Variants in WDR64 observed in about 807,000 individuals in gnomAD.
The protein encoded by WDR64 is WD repeat-containing protein 64.
WDR64 carries 112 observed loss-of-function variants against 139.3 expected under a neutral mutation model. The ratio of observed to expected loss-of-function variants is 0.80; its 90% confidence interval spans 0.69 to 0.94. The LOEUF (loss-of-function observed/expected upper bound fraction) is 0.94, where lower values mean the gene tolerates loss of function less well. Ranked by LOEUF, WDR64 falls within the 40% of genes least tolerant of loss-of-function variation. The pLI is 0.00. For synonymous variants in WDR64, 444 were observed against 437.7 expected (o/e 1.01, Z -0.18); for missense variants, 1,206 against 1,293.1 (o/e 0.93, Z 1.03).
intron 2 of WDR64, among the ~76,000 whole-genome samples, chr1:241,662,492 C>T (rs879272540): frequency 2.0e-5 from 3 of 152,192 alleles, no homozygotes; most frequent in African/African-American, 4.8e-5. Flanking sequence ...GCCCTCTATA[C>T]TGGCAGTTCA....
chr1:241,760,187 A>G (rs1670370930), intron 15 of WDR64, among the ~76,000 whole-genome samples: 1 of 152,172 alleles, frequency 6.6e-6, no homozygotes, highest in Non-Finnish European at 1.5e-5. Context: ...ATGGGTGTAC[A>G]TGTATTTCAT....
At chr1:241,752,853 A>G (rs1179287869) in intron 14 of WDR64, among the ~76,000 whole-genome samples, 1 of 152,174 alleles carries the variant, frequency 6.6e-6, no homozygotes, top group Admixed American at 6.5e-5. Context: ...TCTGTCTCAA[A>G]AAGACACACA....
In WDR64 at chr1:241,802,307, A is replaced by T. The variant is rs955023973; in HGVS notation, c.*1092A>T. ...ACTTTACAGAAAGAATACATGTTGT[A>T]TGATTCCACGTTTATAAAATTCTAC... On this transcript the variant is annotated 3_prime_UTR_variant, in exon 28 of 28. Transcript: ENST00000437684. Among the ~76,000 whole-genome samples, 21 of 152,182 alleles carry T rather than the reference A, an allele frequency of 1.4e-4. No individual in the cohort carries two copies. Among genetic ancestry groups the T allele is most frequent in the Admixed American group, 1.3e-3 (20 of 15,272 alleles).
At chr1:241,731,161 C>T (rs532637238) in intron 10 of WDR64, among the ~76,000 whole-genome samples, 36 of 151,968 alleles carry the variant, frequency 2.4e-4, no homozygotes, top group South Asian at 6.2e-4. Context: ...GAACAGGGAA[C>T]TAATTACAAT....
intron 22 of WDR64, 83 bp downstream of exon 22, chr1:241,780,145 T>C (rs1366584111): frequency 8.6e-7 from 1 of 1,165,586 alleles, no homozygotes; most frequent in Non-Finnish European, 1.2e-6. Context: ...CCATAAAGGA[T>C]AGAAATACAA....
intron 25 of WDR64, among the ~76,000 whole-genome samples, chr1:241,794,681 A>G (rs900749173): frequency 4.0e-5 from 6 of 151,512 alleles, no homozygotes; most frequent in Non-Finnish European, 7.4e-5. Flanking sequence ...GCTAATTTTT[A>G]TATTTTTAGT....
intron 21 of WDR64, among the ~76,000 whole-genome samples, chr1:241,775,922 C>T (rs1658642016): frequency 6.6e-6 from 1 of 152,044 alleles, no homozygotes; most frequent in Admixed American, 6.6e-5. Context: ...ATATCTACCC[C>T]TTTGCTTGTT....
intron 8 of WDR64, among the ~76,000 whole-genome samples, chr1:241,695,767 C>T (rs1361646973): frequency 6.6e-6 from 1 of 152,054 alleles, no homozygotes; most frequent in African/African-American, 2.4e-5. Context: ...TATCTTTATA[C>T]TGGTGCATTT....
At chr1:241,769,686 G>A (rs756119502) in intron 17 of WDR64, among the ~76,000 whole-genome samples, 181 bp downstream of exon 17, 42 of 152,208 alleles carry the variant, frequency 2.8e-4, no homozygotes, top group South Asian at 2.1e-4. Flanking sequence ...CGTGGCTTCC[G>A]CTTTCTTCCC....
At chr1:241,698,764 C>A (rs528518257) in intron 8 of WDR64, among the ~76,000 whole-genome samples, 1 of 152,204 alleles carries the variant, frequency 6.6e-6, no homozygotes, top group South Asian at 2.1e-4. Flanking sequence ...TTCCTGACCA[C>A]TCCTCAGCAC....
chr1:241,786,977 T>C (rs1047357258), intron 23 of WDR64, among the ~76,000 whole-genome samples: 2 of 152,186 alleles, frequency 1.3e-5, no homozygotes, highest in Non-Finnish European at 2.9e-5. Context: ...ATTTGTTTTC[T>C]GGCTTTGACA....
At chr1:241,741,426 C>A in intron 11 of WDR64, 90 bp from the exon 12 acceptor site, 2 of 1,150,308 alleles carry the variant, frequency 1.7e-6, no homozygotes, top group Non-Finnish European at 2.4e-6. Context: ...CACTGTTTGG[C>A]TGTTTCCAAA....
At chr1:241,773,539 A>AGT (rs780821714) in intron 20 of WDR64, among the ~76,000 whole-genome samples, 1 of 152,110 alleles carries the variant, frequency 6.6e-6, no homozygotes, top group Non-Finnish European at 1.5e-5. Flanking sequence ...GCGTGATCTC[A>AGT]GCTCACCGCA....
intron 22 of WDR64, among the ~76,000 whole-genome samples, chr1:241,782,332 C>T (rs1450066134): frequency 6.6e-6 from 1 of 152,158 alleles, no homozygotes; most frequent in Non-Finnish European, 1.5e-5. Context: ...CTTTGGCTCT[C>T]TAAAAATAAC....
At chr1:241,680,684 C>T (rs1177922924) in intron 6 of WDR64, among the ~76,000 whole-genome samples, 2 of 152,192 alleles carry the variant, frequency 1.3e-5, no homozygotes, top group Non-Finnish European at 2.9e-5. Context: ...GTCCTTCAAC[C>T]TGGAGGGATG....
chr1:241,675,223 T>TTCCTTCCTCCC (rs1199789329), intron 4 of WDR64, among the ~76,000 whole-genome samples: 44 of 74,538 alleles, frequency 5.9e-4, no homozygotes, highest in African/African-American at 2.1e-3. Context: ...CCCTCCCTTC[T>TTCCTTCCTCCC]TCCTTCCTCC....
chr1:241,757,490 T>G, intron 15 of WDR64, 31 bp downstream of exon 15: 1 of 1,569,346 alleles, frequency 6.4e-7, no homozygotes, highest in African/African-American at 1.4e-5. Context: ...TCTTTTTAAC[T>G]TTTGCTTTTT....
At chr1:241,756,959 T>C (rs1310490279) in intron 14 of WDR64, among the ~76,000 whole-genome samples, 1 of 152,200 alleles carries the variant, frequency 6.6e-6, no homozygotes, top group Non-Finnish European at 1.5e-5. Flanking sequence ...AATAAGAAAG[T>C]TGAAGAAGAA....
chr1:241,731,797 A>G (rs972562469), intron 10 of WDR64, among the ~76,000 whole-genome samples: 2 of 152,206 alleles, frequency 1.3e-5, no homozygotes, highest in South Asian at 2.1e-4. Flanking sequence ...AAACAAGATG[A>G]TAAAATTAAT....
Sources: gnomAD v4.1 joint callset for allele counts (sites outside exome capture counted in the v4.1 genomes callset) on GRCh38, gnomAD v4.1.1 for gene constraint, MANE v1.5 for transcripts, NCBI Gene and HGNC (gene_info 2026-07-23, HGNC 2026-07-21) for gene names.